The following YWHAQ variants were observed in gnomAD, a reference collection of about 807,000 sequenced individuals.
The protein encoded by YWHAQ is tyrosine 3-monooxygenase/tryptophan 5-monooxygenase activation protein theta.
YWHAQ carries 6 observed loss-of-function variants against 28.3 expected under a neutral mutation model. That is an observed-to-expected ratio of 0.21 (90% CI 0.12 to 0.42). YWHAQ has a LOEUF of 0.42. YWHAQ is among the 10% of genes least tolerant of loss of function. The pLI, the probability that YWHAQ is intolerant of heterozygous loss-of-function variation, is 1.00. For missense variants in YWHAQ, 201 were observed against 305.6 expected, an observed-to-expected ratio of 0.66 and a Z score of 2.55; for synonymous variants, 143 against 119.1, an observed-to-expected ratio of 1.20 and a Z score of -1.31.
At chr2:9,594,112 G>A (rs867589105) in intron 2 of YWHAQ, among the ~76,000 whole-genome samples, 1 of 151,932 alleles carries the variant, frequency 6.6e-6, no homozygotes, top group Non-Finnish European at 1.5e-5. Context: ...GCTGAGCCAG[G>A]AGTGTGGCAA....
rs971024528 is a variant in YWHAQ, at chr2:9,630,632, G to C, written c.-82-98C>G. 3.5e-6 allele frequency: 2 copies of C among 578,768 alleles called. No homozygotes were observed. Among genetic ancestry groups the C allele is most frequent in the Non-Finnish European group, 5.7e-6 (2 of 352,286 alleles). The allele number at this position is 578,768 out of a possible 1,614,324, so 35.9% of individuals were successfully genotyped here. A position where few individuals can be genotyped will look rare whatever the true frequency, so the allele number is the denominator to read the frequency against. On this transcript the variant is annotated intron_variant, in intron 1 of 5. Transcript: ENST00000238081. The surrounding 1 kb of genome is among the most constrained non-coding windows in gnomAD (Gnocchi z 5.6). The stretch of plus-strand genomic sequence containing the variant: ...GCCCGCTTTTGTCTCCCGCACACGC[G>C]GCCGCTTGAATTTCCCTCTCCCCCG...
chr2:9,612,744 G>A (rs1430903166), intron 2 of YWHAQ, among the ~76,000 whole-genome samples: 2 of 152,140 alleles, frequency 1.3e-5, no homozygotes, highest in Non-Finnish European at 2.9e-5. Flanking sequence ...GCAACACTAA[G>A]TATCTCCAGC....
intron 2 of YWHAQ, among the ~76,000 whole-genome samples, chr2:9,604,088 A>C (rs563500446): frequency 2.9e-4 from 44 of 152,298 alleles, no homozygotes; most frequent in African/African-American, 9.4e-4. Context: ...GTGTAGCACC[A>C]CTGACCTCTG....
intron 2 of YWHAQ, among the ~76,000 whole-genome samples, chr2:9,622,283 A>G (rs1398220083): frequency 6.6e-6 from 1 of 151,960 alleles, no homozygotes; most frequent in African/African-American, 2.4e-5. Context: ...TTCCTACCAT[A>G]AACAGGTTGT....
chr2:9,623,634 G>A (rs1356698990), intron 2 of YWHAQ, among the ~76,000 whole-genome samples: 2 of 152,164 alleles, frequency 1.3e-5, no homozygotes, highest in African/African-American at 2.4e-5. Context: ...TTAGCCGGGT[G>A]TGGTGGTGCA....
intron 2 of YWHAQ, among the ~76,000 whole-genome samples, chr2:9,623,185 T>C (rs769456619): frequency 3.9e-5 from 6 of 152,196 alleles, no homozygotes; most frequent in Non-Finnish European, 7.3e-5. Flanking sequence ...ATACATCCAA[T>C]ACTGAACAAG....
intron 2 of YWHAQ, among the ~76,000 whole-genome samples, chr2:9,597,065 A>AG (rs1437859178): frequency 6.6e-6 from 1 of 152,232 alleles, no homozygotes; most frequent in Non-Finnish European, 1.5e-5. Flanking sequence ...TTAGCTCTAT[A>AG]ATCTTGTAGG....
chr2:9,613,090 G>C (rs1219071930), intron 2 of YWHAQ, among the ~76,000 whole-genome samples: 4 of 152,102 alleles, frequency 2.6e-5, no homozygotes, highest in African/African-American at 4.8e-5. Flanking sequence ...TATTTTACTC[G>C]TCTAGCACCC....
intron 2 of YWHAQ, among the ~76,000 whole-genome samples, chr2:9,619,081 G>A (rs1235978483): frequency 1.3e-5 from 2 of 152,090 alleles, no homozygotes; most frequent in Non-Finnish European, 2.9e-5. Context: ...AGACGTGGGG[G>A]CTAAATATGT....
chr2:9,587,877 G>A (rs1666377464), intron 4 of YWHAQ, among the ~76,000 whole-genome samples: 1 of 152,126 alleles, frequency 6.6e-6, no homozygotes, highest in South Asian at 2.1e-4. Context: ...ACCAAACCTG[G>A]CAGGCATGAC....
Position 9,630,547 on chromosome 2 carries a change from G to A in YWHAQ, c.-82-13C>T. 8.0e-7 allele frequency: 1 copy of A among 1,252,408 alleles called. No homozygotes were observed. Among genetic ancestry groups the A allele is most frequent in the Non-Finnish European group, 1.1e-6 (1 of 934,256 alleles). 77.6% of individuals were successfully genotyped at this position (1,252,408 alleles called of 1,614,324 possible). On this transcript the variant is annotated splice_polypyrimidine_tract_variant and intron_variant, in intron 1 of 5. Coordinates refer to ENST00000238081, the MANE Select transcript of YWHAQ (RefSeq NM_006826.4). This position sits in a 1 kb window ranked among gnomAD's most constrained non-coding sequence, Gnocchi z 5.6. ...GGAGCCTCGAGAGCTGCGGAGGGGC[G>A]GGGCGGCGAGGCGAGAACAAAAAGC...
At chr2:9,600,641 G>T (rs1666673822) in intron 2 of YWHAQ, among the ~76,000 whole-genome samples, 1 of 152,068 alleles carries the variant, frequency 6.6e-6, no homozygotes, top group Non-Finnish European at 1.5e-5. Flanking sequence ...GGAGGCAGAG[G>T]TTGTGGTGAG....
At chr2:9,610,029 T>C (rs1343163388) in intron 2 of YWHAQ, among the ~76,000 whole-genome samples, 1 of 152,206 alleles carries the variant, frequency 6.6e-6, no homozygotes, top group Non-Finnish European at 1.5e-5. Context: ...TTCAGAGGAT[T>C]ATCTTAATTT....
At chr2:9,591,290 G>C in intron 3 of YWHAQ, 102 bp downstream of exon 3, 1 of 1,346,898 alleles carries the variant, frequency 7.4e-7, no homozygotes, top group Non-Finnish European at 9.9e-7. Flanking sequence ...CAATTATTAA[G>C]TCACAAAGAG....
chr2:9,608,542 G>C (rs1666880449), intron 2 of YWHAQ, among the ~76,000 whole-genome samples: 3 of 152,306 alleles, frequency 2.0e-5, no homozygotes, highest in African/African-American at 7.2e-5. Flanking sequence ...TGTTAAAAAT[G>C]GGCTGGAGCA....
intron 2 of YWHAQ, among the ~76,000 whole-genome samples, chr2:9,612,727 T>C (rs557494593): frequency 1.1e-4 from 17 of 152,224 alleles, no homozygotes; most frequent in Admixed American, 3.9e-4. Flanking sequence ...GGAGGAAAGT[T>C]TAAAAAGCAA....
At chr2:9,627,173 TCACA>T (rs1259371404) in intron 2 of YWHAQ, among the ~76,000 whole-genome samples, 2 of 152,252 alleles carry the variant, frequency 1.3e-5, no homozygotes, top group African/African-American at 4.8e-5. Flanking sequence ...TGAGAGTTGT[TCACA>T]CAGTTATTTT....
At chr2:9,623,674 G>T (rs1388488188) in intron 2 of YWHAQ, among the ~76,000 whole-genome samples, 3 of 152,190 alleles carry the variant, frequency 2.0e-5, no homozygotes, top group Non-Finnish European at 4.4e-5. Context: ...TTGTGAGGCT[G>T]ACACAGGAGA....
intron 2 of YWHAQ, among the ~76,000 whole-genome samples, chr2:9,592,283 G>T (rs1666472033): frequency 6.6e-6 from 1 of 152,082 alleles, no homozygotes; most frequent in African/African-American, 2.4e-5. Context: ...AAGTTCTTGA[G>T]TATGTCTTTT....
Sources: gnomAD v4.1 joint callset for allele counts (sites outside exome capture counted in the v4.1 genomes callset) on GRCh38, gnomAD v4.1.1 for gene constraint, Gnocchi (gnomAD v3.1) non-coding constraint, MANE v1.5 for transcripts, NCBI Gene and HGNC (gene_info 2026-07-23, HGNC 2026-07-21) for gene names.